The following LRP1B variants were observed in gnomAD, a reference collection of about 807,000 sequenced individuals.
LRP1B encodes the protein low-density lipoprotein receptor-related protein 1B.
Under a neutral mutation model 556.6 loss-of-function variants are expected in LRP1B, and 217 were observed. The observed-to-expected ratio is 0.39, with a 90% CI of 0.35 to 0.44. The LOEUF (loss-of-function observed/expected upper bound fraction) is 0.44. Ranked by LOEUF, LRP1B falls within the 20% of genes least tolerant of loss-of-function variation. The pLI is 1.00. For missense variants in LRP1B, 5,053 were observed against 5,620.8 expected (o/e 0.90, Z 3.23); for synonymous variants, 2,047 against 1,865.8 (o/e 1.10, Z -2.50).
intron 2 of LRP1B, among the ~76,000 whole-genome samples, chr2:141,588,685 G>C (rs994959881): frequency 6.6e-6 from 1 of 152,162 alleles, no homozygotes; most frequent in African/African-American, 2.4e-5. Flanking sequence ...ACAAGAAGTT[G>C]TATGTTCTGA....
At chr2:141,224,744 A>T (rs139754186) in intron 6 of LRP1B, among the ~76,000 whole-genome samples, 1 of 152,186 alleles carries the variant, frequency 6.6e-6, no homozygotes, top group East Asian at 1.9e-4. Context: ...CCATGTTCTC[A>T]CGTTCAAGTG....
chr2:140,542,174 T>C (rs1426473250), intron 43 of LRP1B, among the ~76,000 whole-genome samples: 1 of 152,088 alleles, frequency 6.6e-6, no homozygotes, highest in Non-Finnish European at 1.5e-5. Flanking sequence ...TTGTTAGTGC[T>C]TGCAGTGTGT....
chr2:142,097,615 T>C (rs929575125), intron 1 of LRP1B, among the ~76,000 whole-genome samples: 1 of 151,676 alleles, frequency 6.6e-6, no homozygotes, highest in African/African-American at 2.4e-5. Flanking sequence ...AGCTAGTATG[T>C]ATTTTGAAGG....
intron 2 of LRP1B, among the ~76,000 whole-genome samples, chr2:141,709,490 G>A (rs1295720605): frequency 2.0e-5 from 3 of 152,112 alleles, no homozygotes; most frequent in Admixed American, 6.6e-5. Context: ...TAAAGATACC[G>A]AGGAAGTACT....
intron 2 of LRP1B, among the ~76,000 whole-genome samples, chr2:141,496,707 A>T (rs1683520726): frequency 6.6e-6 from 1 of 152,050 alleles, no homozygotes; most frequent in Non-Finnish European, 1.5e-5. Context: ...TAGTCAGGTA[A>T]AAATCTTCTA....
intron 56 of LRP1B, among the ~76,000 whole-genome samples, chr2:140,493,375 G>A (rs1447699326): frequency 6.6e-6 from 1 of 152,062 alleles, no homozygotes; most frequent in Non-Finnish European, 1.5e-5. Flanking sequence ...CAACGTACAG[G>A]AGACCCTCTA....
chr2:142,125,873 C>A (rs1195612015), intron 1 of LRP1B, among the ~76,000 whole-genome samples: 1 of 151,820 alleles, frequency 6.6e-6, no homozygotes, highest in Non-Finnish European at 1.5e-5. Flanking sequence ...TCTTATTTGA[C>A]CTTTCTATGC....
intron 79 of LRP1B, among the ~76,000 whole-genome samples, chr2:140,326,113 T>G (rs1437164989): frequency 6.6e-6 from 1 of 152,152 alleles, no homozygotes; most frequent in East Asian, 1.9e-4. Context: ...AAAAGTCTTA[T>G]TTCACATAGG....
At chr2:141,621,639 T>C (rs538846488) in intron 2 of LRP1B, among the ~76,000 whole-genome samples, 11 of 152,284 alleles carry the variant, frequency 7.2e-5, no homozygotes, top group African/African-American at 2.6e-4. Context: ...AAAACCTTAA[T>C]ACATTTAAAT....
chr2:141,546,258 G>C (rs1241747957), intron 2 of LRP1B, among the ~76,000 whole-genome samples: 1 of 152,108 alleles, frequency 6.6e-6, no homozygotes, highest in African/African-American at 2.4e-5. Flanking sequence ...GCAACCCTCT[G>C]CTGGGGGAGG....
chr2:140,324,719 C>T (rs762797254), intron 80 of LRP1B, among the ~76,000 whole-genome samples: 78 of 151,630 alleles, frequency 5.1e-4, no homozygotes, highest in Non-Finnish European at 6.6e-4. Context: ...TATAACAAAA[C>T]GACATTTATA....
At chr2:141,440,394 C>T (rs1308336902) in intron 3 of LRP1B, among the ~76,000 whole-genome samples, 2 of 152,232 alleles carry the variant, frequency 1.3e-5, no homozygotes, top group Non-Finnish European at 2.9e-5. Context: ...AAAATGGCCA[C>T]GCCCTGCCCT....
rs137880956 is a variant in LRP1B at position 140,670,819 on chromosome 2, G to A, written c.6799+29431C>T. Among the ~76,000 whole-genome samples the A allele has an allele frequency of 3.0e-3, 451 of 152,250 alleles. 4 individuals carry two copies. The highest frequency in any genetic ancestry group is 0.018 in the South Asian group (85 of 4,824). ...AAAATTACGACATATTAGGTTAAGG[G>A]GATCGAAAATGGCAGTAGGAAGTCA... On this transcript the variant is annotated intron_variant, in intron 41 of 90. Coordinates refer to ENST00000389484, the MANE Select transcript of LRP1B (RefSeq NM_018557.3).
At chr2:140,892,510 T>A (rs1693827241) in intron 23 of LRP1B, among the ~76,000 whole-genome samples, 1 of 152,036 alleles carries the variant, frequency 6.6e-6, no homozygotes, top group African/African-American at 2.4e-5. Context: ...CTCCTACATA[T>A]TAGGGAGAAA....
At chr2:140,643,601 C>CTG (rs1316204902) in intron 41 of LRP1B, among the ~76,000 whole-genome samples, 3 of 152,144 alleles carry the variant, frequency 2.0e-5, no homozygotes, top group Non-Finnish European at 4.4e-5. Context: ...AGGTAACCCA[C>CTG]TGAGGCCTTA....
At chr2:141,151,580 C>G (rs1293203286) in intron 7 of LRP1B, among the ~76,000 whole-genome samples, 1 of 152,104 alleles carries the variant, frequency 6.6e-6, no homozygotes, top group Non-Finnish European at 1.5e-5. Flanking sequence ...TTTTTTGGAG[C>G]TATACATTGC....
At chr2:140,246,928 A>C (rs1681189656) in intron 87 of LRP1B, among the ~76,000 whole-genome samples, 158 bp downstream of exon 87, 1 of 151,618 alleles carries the variant, frequency 6.6e-6, no homozygotes, top group South Asian at 2.1e-4. Flanking sequence ...AATTAGATGA[A>C]AGCTCAGTGC....
At chr2:141,632,157 C>T (rs994298536) in intron 2 of LRP1B, among the ~76,000 whole-genome samples, 3 of 152,070 alleles carry the variant, frequency 2.0e-5, no homozygotes, top group African/African-American at 7.2e-5. Flanking sequence ...CTTTTGGACT[C>T]AAGCAATCCA....
At chr2:140,850,634 C>G (rs754235495) in intron 28 of LRP1B, among the ~76,000 whole-genome samples, 1 of 152,120 alleles carries the variant, frequency 6.6e-6, no homozygotes. Context: ...CTACGAGTGT[C>G]GGATACCATA....
Sources: allele counts gnomAD v4.1 joint callset (sites outside exome capture counted in the v4.1 genomes callset), GRCh38; gene constraint gnomAD v4.1.1; transcripts MANE v1.5; gene names NCBI Gene and HGNC (gene_info 2026-07-23, HGNC 2026-07-21).